The following ATOX1 variants were observed in gnomAD, a reference collection of about 807,000 sequenced individuals.
The protein encoded by ATOX1 is copper transport protein ATOX1.
In ATOX1, 4 loss-of-function variants were observed where a neutral mutation model predicts 7.3. The ratio of observed to expected loss-of-function variants is 0.55; its 90% CI spans 0.27 to 1.25. The LOEUF (loss-of-function observed/expected upper bound fraction) is 1.25. Ranked by LOEUF, ATOX1 falls within the 50% of genes most tolerant of loss-of-function variation. The probability of loss-of-function intolerance (pLI) is 0.12; values close to 1 mark genes in which losing one functional copy is unlikely to be tolerated. For missense variants in ATOX1, 68 were observed against 81.6 expected (o/e 0.83, Z 0.64); for synonymous variants, 25 against 28.7 (o/e 0.87, Z 0.41).
At chr5:151,752,858 G>A (rs745907073) in intron 1 of ATOX1, among the ~76,000 whole-genome samples, 4 of 152,028 alleles carry the variant, frequency 2.6e-5, no homozygotes, top group African/African-American at 9.7e-5. Flanking sequence ...TTTTAAGTAC[G>A]GTTAGCCAGC....
At chr5:151,757,546 C>T (rs529784460) in intron 1 of ATOX1, among the ~76,000 whole-genome samples, 1 of 152,344 alleles carries the variant, frequency 6.6e-6, no homozygotes, top group Admixed American at 6.5e-5. Flanking sequence ...TCCCTAAAGA[C>T]AGGATGCAAA....
At chr5:151,750,144 C>G (rs1761929229) in intron 2 of ATOX1, among the ~76,000 whole-genome samples, 1 of 152,228 alleles carries the variant, frequency 6.6e-6, no homozygotes, top group African/African-American at 2.4e-5. Context: ...CTGATCACAA[C>G]TCAGTTATTA....
chr5:151,756,212 G>A (rs1762014733), intron 1 of ATOX1, among the ~76,000 whole-genome samples: 1 of 151,970 alleles, frequency 6.6e-6, no homozygotes, highest in African/African-American at 2.4e-5. Context: ...AAAGTGCTGG[G>A]ATTACAGGCA....
chr5:151,744,903 A>G (rs1178611115), intron 3 of ATOX1: 1 of 152,240 alleles, frequency 6.6e-6, no homozygotes, highest in Non-Finnish European at 1.5e-5. Flanking sequence ...AAGGCAGGAA[A>G]GCAGGTTGGA....
chr5:151,750,332 C>T (rs965813680), intron 2 of ATOX1, among the ~76,000 whole-genome samples: 7 of 152,042 alleles, frequency 4.6e-5, no homozygotes, highest in South Asian at 2.1e-4. Context: ...CCAAAGCAGG[C>T]GGATTACTTG....
chr5:151,756,257 T>C (rs1271730600), intron 1 of ATOX1, among the ~76,000 whole-genome samples: 1 of 152,020 alleles, frequency 6.6e-6, no homozygotes, highest in African/African-American at 2.4e-5. Flanking sequence ...TTATCCCTTC[T>C]TGACAGATGA....
intron 3 of ATOX1, chr5:151,743,169 C>G (rs1761841402): frequency 6.6e-6 from 1 of 152,244 alleles, no homozygotes; most frequent in South Asian, 2.1e-4. Context: ...ACACTGCTCC[C>G]ATGAAGTCTG....
intron 3 of ATOX1, chr5:151,743,416 A>G (rs2113173283): frequency 6.6e-6 from 1 of 152,362 alleles, no homozygotes; most frequent in South Asian, 2.1e-4. Context: ...CCTGGCTTCA[A>G]ATCAGTCACT....
intron 1 of ATOX1, among the ~76,000 whole-genome samples, chr5:151,755,777 T>C (rs755122548): frequency 6.6e-6 from 1 of 152,146 alleles, no homozygotes; most frequent in African/African-American, 2.4e-5. Flanking sequence ...AATCACTTCT[T>C]TATAGGAGAA....
At chr5:151,745,091 T>C (rs544288810) in intron 3 of ATOX1, 1 of 152,356 alleles carries the variant, frequency 6.6e-6, no homozygotes, top group African/African-American at 2.4e-5. Flanking sequence ...CGAAAACAGA[T>C]GCATCTGACA....
chr5:151,752,120 G>A, intron 1 of ATOX1: 1 of 613,314 alleles, frequency 1.6e-6, no homozygotes, highest in Non-Finnish European at 2.9e-6. Flanking sequence ...CTTTGTCTCA[G>A]GGCCACCAGT....
intron 2 of ATOX1, among the ~76,000 whole-genome samples, chr5:151,749,866 G>A (rs1476641747): frequency 6.6e-6 from 1 of 152,074 alleles, no homozygotes; most frequent in Non-Finnish European, 1.5e-5. Flanking sequence ...AGGGCTAGAG[G>A]CCAGCCACTG....
In ATOX1 at chr5:151,751,773, C is replaced by T. The variant is rs774745102; in HGVS notation, c.13G>A (p.Glu5Lys). The T allele has an allele frequency of 8.1e-6, 13 of 1,606,552 alleles. No individual in the cohort carries two copies. The highest frequency in any genetic ancestry group is 3.4e-5 in the Admixed American group (2 of 58,978). ...CCACAGGTCATGTCCACAGAGAACT[C>T]GTGCTTCTGAAACAAACACAGGGGG... is the stretch of plus-strand genomic sequence containing the variant. MPKH[E>K]FSVDMTCGGC... is the part of the protein sequence containing the mutation. Residue 5 changes from glutamate (E) to lysine (K), a missense_variant, in exon 2 of 4, where the codon GAG (glutamate) becomes AAG (lysine). Coordinates refer to ENST00000313115, the MANE Select transcript of ATOX1 (RefSeq NM_004045.4).
chr5:151,750,912 C>T lies in ATOX1; in HGVS notation c.82+792G>A, dbSNP rs116348845. Reference sequence around the variant, plus strand: ...AGGCAATCTGCCCGCCTCAGCCTTCCGAAATGCTGGGATCACAGGTGTGAG... The same window carrying T: ...AGGCAATCTGCCCGCCTCAGCCTTCTGAAATGCTGGGATCACAGGTGTGAG... On this transcript the variant is annotated intron_variant, in intron 2 of 3. Coordinates refer to ENST00000313115, the MANE Select transcript of ATOX1 (RefSeq NM_004045.4). Among the ~76,000 whole-genome samples the T allele has an allele frequency of 4.2e-3, 631 of 151,978 alleles. 5 individuals are homozygous for T. Among genetic ancestry groups the T allele is most frequent in the African/African-American group, 0.015 (607 of 41,480 alleles).
At chr5:151,744,000 T>G (rs944995547) in intron 3 of ATOX1, 9 of 152,224 alleles carry the variant, frequency 5.9e-5, no homozygotes, top group Non-Finnish European at 1.3e-4. Flanking sequence ...ACACATGCTA[T>G]GACTTGAATG....
At chr5:151,746,160 G>T in intron 3 of ATOX1, 119 bp downstream of exon 3, 1 of 850,102 alleles carries the variant, frequency 1.2e-6, no homozygotes, top group Non-Finnish European at 1.7e-6. Context: ...GTGGACAGTG[G>T]ATTGAAAAGA....
At chr5:151,754,658 A>G (rs74594520) in intron 1 of ATOX1, among the ~76,000 whole-genome samples, 4,001 of 152,170 alleles carry the variant, frequency 0.026, 158 homozygotes, top group African/African-American at 0.085. Flanking sequence ...CACACTACAA[A>G]CTACCTGTTT....
intron 1 of ATOX1, among the ~76,000 whole-genome samples, chr5:151,756,369 C>G (rs568496278): frequency 1.6e-4 from 25 of 152,236 alleles, no homozygotes; most frequent in African/African-American, 5.5e-4. Context: ...TGCTTAACCA[C>G]TGAGATCTTG....
intron 2 of ATOX1, among the ~76,000 whole-genome samples, chr5:151,749,342 G>A (rs28917197): frequency 1.2e-3 from 188 of 151,944 alleles, no homozygotes; most frequent in Admixed American, 4.5e-3. Flanking sequence ...AAAATTAGCC[G>A]GGCATGGTGG....
Sources: allele counts gnomAD v4.1 joint callset (sites outside exome capture counted in the v4.1 genomes callset), GRCh38; gene constraint gnomAD v4.1.1; transcripts MANE v1.5; gene names NCBI Gene and HGNC (gene_info 2026-07-23, HGNC 2026-07-21).